The following STPG2 variants were observed in gnomAD, a reference collection of about 807,000 sequenced individuals.
STPG2 encodes the protein sperm-tail PG-rich repeat-containing protein 2.
STPG2 carries 56 observed loss-of-function variants against 54.2 expected under a neutral mutation model. The ratio of observed to expected loss-of-function variants is 1.03; its 90% confidence interval spans 0.83 to 1.29. The LOEUF is 1.29. STPG2 is among the 50% of genes most tolerant of loss of function. The probability of loss-of-function intolerance (pLI) is 0.00; values close to 1 mark genes in which losing one functional copy is unlikely to be tolerated. For missense variants in STPG2, 596 were observed against 544.9 expected (o/e 1.09, Z -0.93); for synonymous variants, 200 against 181.8 (o/e 1.10, Z -0.81).
intron 10 of STPG2, among the ~76,000 whole-genome samples, chr4:97,607,342 G>C (rs1733622297): frequency 6.6e-6 from 1 of 151,832 alleles, no homozygotes; most frequent in South Asian, 2.1e-4. Context: ...CTTATATAAG[G>C]AGCGGATCTT....
intron 4 of STPG2, among the ~76,000 whole-genome samples, chr4:97,453,630 A>C (rs757241237): frequency 3.3e-5 from 5 of 152,212 alleles, no homozygotes; most frequent in Non-Finnish European, 7.4e-5. Context: ...TAAGAGAGTC[A>C]ATTCAGGCCT....
chr4:97,913,209 T>C (rs1441757417), intron 8 of STPG2, among the ~76,000 whole-genome samples: 2 of 152,186 alleles, frequency 1.3e-5, no homozygotes, highest in Admixed American at 6.5e-5. Context: ...TAACAAATGA[T>C]TCTATTTTTC....
chr4:97,805,908 T>C (rs1438503057), intron 9 of STPG2, among the ~76,000 whole-genome samples: 1 of 151,604 alleles, frequency 6.6e-6, no homozygotes, highest in African/African-American at 2.4e-5. Context: ...TTAGTAGGAA[T>C]GTAAATTGTT....
chr4:97,963,613 C>T (rs1423769940), intron 7 of STPG2, among the ~76,000 whole-genome samples: 1 of 151,898 alleles, frequency 6.6e-6, no homozygotes, highest in Non-Finnish European at 1.5e-5. Flanking sequence ...CATACCTGCA[C>T]CATTGCACTC....
At chr4:97,485,315 A>C (rs1468757342) in intron 4 of STPG2, among the ~76,000 whole-genome samples, 2 of 151,614 alleles carry the variant, frequency 1.3e-5, no homozygotes, top group African/African-American at 4.8e-5. Context: ...AACTCTAAAG[A>C]CTCCTCCAGA....
chr4:97,508,184 A>C (rs1234570373), intron 4 of STPG2, among the ~76,000 whole-genome samples: 1 of 152,084 alleles, frequency 6.6e-6, no homozygotes, highest in African/African-American at 2.4e-5. Flanking sequence ...CAATACAGCA[A>C]ATACATCCAT....
intron 4 of STPG2, among the ~76,000 whole-genome samples, chr4:97,512,000 A>G (rs1218043961): frequency 6.6e-6 from 1 of 152,066 alleles, no homozygotes; most frequent in Admixed American, 6.6e-5. Context: ...CTAGGAAAGG[A>G]CCTGCATGCT....
At chr4:97,893,493 A>C (rs1343391355) in intron 8 of STPG2, among the ~76,000 whole-genome samples, 1 of 152,034 alleles carries the variant, frequency 6.6e-6, no homozygotes, top group Non-Finnish European at 1.5e-5. Flanking sequence ...ACACTCCTAG[A>C]AGTTGTAAGG....
At chr4:98,087,116 T>C (rs1738543704) in intron 5 of STPG2, among the ~76,000 whole-genome samples, 1 of 152,204 alleles carries the variant, frequency 6.6e-6, no homozygotes, top group African/African-American at 2.4e-5. Context: ...ATTTAAGGAA[T>C]CAACCTAGAA....
At chr4:97,479,575 T>C (rs1578330745) in intron 4 of STPG2, among the ~76,000 whole-genome samples, 1 of 151,952 alleles carries the variant, frequency 6.6e-6, no homozygotes. Flanking sequence ...GAAATTGCTG[T>C]AGAATTGATT....
At chr4:97,885,995 C>T (rs946517993) in intron 8 of STPG2, among the ~76,000 whole-genome samples, 1 of 151,980 alleles carries the variant, frequency 6.6e-6, no homozygotes, top group East Asian at 1.9e-4. Context: ...AAAGAAATGA[C>T]CAAGTGTTCA....
chr4:97,689,833 G>A (rs1404546118), intron 10 of STPG2, among the ~76,000 whole-genome samples: 2 of 151,896 alleles, frequency 1.3e-5, no homozygotes, highest in Admixed American at 6.6e-5. Flanking sequence ...AGATAATTAA[G>A]ATTGTCTTAA....
At chr4:97,918,363 T>C (rs1731966072) in intron 8 of STPG2, among the ~76,000 whole-genome samples, 1 of 151,982 alleles carries the variant, frequency 6.6e-6, no homozygotes, top group Admixed American at 6.6e-5. Flanking sequence ...GCACAGGAAA[T>C]TGTGTATACT....
chr4:97,595,483 A>G (rs1162856528), intron 10 of STPG2, among the ~76,000 whole-genome samples: 1 of 152,146 alleles, frequency 6.6e-6, no homozygotes, highest in Non-Finnish European at 1.5e-5. Context: ...TAGCATTAGG[A>G]GATATACCTA....
chr4:97,849,676 A>G (rs955685586), intron 8 of STPG2, among the ~76,000 whole-genome samples: 6 of 152,150 alleles, frequency 3.9e-5, no homozygotes, highest in African/African-American at 1.2e-4. Context: ...AAAAATGCTC[A>G]TCATCACTGG....
At chr4:97,678,281 AT>A in intron 10 of STPG2, among the ~76,000 whole-genome samples, 1 of 152,198 alleles carries the variant, frequency 6.6e-6, no homozygotes, top group Non-Finnish European at 1.5e-5. Flanking sequence ...ATAGATGTAC[AT>A]TAAATTACAG....
chr4:97,491,051 G>C (rs917421132), intron 4 of STPG2, among the ~76,000 whole-genome samples: 7 of 151,472 alleles, frequency 4.6e-5, no homozygotes, highest in African/African-American at 1.4e-4. Context: ...TAGGATTACT[G>C]TCTTTCTTAA....
intron 10 of STPG2, among the ~76,000 whole-genome samples, chr4:97,562,253 G>A (rs1732274000): frequency 6.6e-6 from 1 of 152,028 alleles, no homozygotes; most frequent in Non-Finnish European, 1.5e-5. Flanking sequence ...GTCTGTTATT[G>A]GTGTATAAGA....
intron 10 of STPG2, among the ~76,000 whole-genome samples, chr4:97,637,997 A>C (rs1044602596): frequency 9.9e-5 from 15 of 152,012 alleles, no homozygotes; most frequent in South Asian, 2.1e-4. Flanking sequence ...AAACTACTTT[A>C]AAGTTCATAT....
Sources: allele counts gnomAD v4.1 joint callset (sites outside exome capture counted in the v4.1 genomes callset), GRCh38; gene constraint gnomAD v4.1.1; transcripts MANE v1.5; gene names NCBI Gene and HGNC (gene_info 2026-07-23, HGNC 2026-07-21).